PLCXD3: variants seen among roughly 807,000 people sequenced by gnomAD.
The protein encoded by PLCXD3 is PI-PLC X domain-containing protein 3.
PLCXD3 carries 19 observed loss-of-function variants against 25.5 expected under a neutral mutation model. That is an observed-to-expected ratio of 0.75 (90% CI 0.52 to 1.09). PLCXD3 has a LOEUF of 1.09. PLCXD3 is among the 50% of genes least tolerant of loss of function. The probability of loss-of-function intolerance (pLI) is 0.00; values close to 1 mark genes in which losing one functional copy is unlikely to be tolerated. For missense variants in PLCXD3, 411 were observed against 388.1 expected (o/e 1.06, Z -0.50); for synonymous variants, 174 against 137.6 (o/e 1.26, Z -1.85).
At chr5:41,435,404 C>T (rs1747223846) in intron 1 of PLCXD3, among the ~76,000 whole-genome samples, 2 of 152,132 alleles carry the variant, frequency 1.3e-5, no homozygotes, top group Non-Finnish European at 2.9e-5. Context: ...CCCTTGAAAC[C>T]TAAGATTAGT....
At chr5:41,480,185 C>T (rs1189519502) in intron 1 of PLCXD3, among the ~76,000 whole-genome samples, 1 of 151,918 alleles carries the variant, frequency 6.6e-6, no homozygotes, top group East Asian at 1.9e-4. Context: ...AGAAAAATGC[C>T]CTGAAAGCAA....
chr5:41,502,276 A>T (rs1748967565), intron 1 of PLCXD3, among the ~76,000 whole-genome samples: 1 of 152,130 alleles, frequency 6.6e-6, no homozygotes, highest in Non-Finnish European at 1.5e-5. Flanking sequence ...ACTGAGGAAG[A>T]TCTTGTCTGT....
chr5:41,429,391 G>A (rs1307006254), intron 1 of PLCXD3, among the ~76,000 whole-genome samples: 2 of 152,010 alleles, frequency 1.3e-5, no homozygotes, highest in South Asian at 2.1e-4. Flanking sequence ...ATCAGGGGAG[G>A]GAGGGAGAGA....
At chr5:41,480,788 G>C (rs1748391911) in intron 1 of PLCXD3, among the ~76,000 whole-genome samples, 1 of 152,014 alleles carries the variant, frequency 6.6e-6, no homozygotes, top group Admixed American at 6.5e-5. Context: ...AGGTGTGGTG[G>C]CGGGCACCTG....
At chr5:41,338,415 T>G (rs1744043309) in intron 2 of PLCXD3, among the ~76,000 whole-genome samples, 1 of 152,114 alleles carries the variant, frequency 6.6e-6, no homozygotes, top group Non-Finnish European at 1.5e-5. Flanking sequence ...GACCTGAGAA[T>G]AGCCCTGCTA....
At chr5:41,464,403 G>A (rs953995023) in intron 1 of PLCXD3, among the ~76,000 whole-genome samples, 4 of 151,942 alleles carry the variant, frequency 2.6e-5, no homozygotes, top group South Asian at 2.1e-4. Context: ...CACTGAGAAC[G>A]GTAGAATGCA....
At chr5:41,338,792 C>T (rs922500007) in intron 2 of PLCXD3, among the ~76,000 whole-genome samples, 10 of 152,112 alleles carry the variant, frequency 6.6e-5, no homozygotes. Context: ...CCCCCATTTA[C>T]TTTCCTTAGA....
At chr5:41,370,543 G>A (rs115819047) in intron 2 of PLCXD3, among the ~76,000 whole-genome samples, 7 of 152,116 alleles carry the variant, frequency 4.6e-5, no homozygotes, top group Non-Finnish European at 8.8e-5. Flanking sequence ...GGTAGGACAC[G>A]CTTACAGCAA....
intron 2 of PLCXD3, among the ~76,000 whole-genome samples, chr5:41,365,115 A>G (rs1744898203): frequency 6.6e-6 from 1 of 152,080 alleles, no homozygotes; most frequent in Non-Finnish European, 1.5e-5. Flanking sequence ...CCTCCAGGGA[A>G]CTCTCACTTG....
intron 2 of PLCXD3, among the ~76,000 whole-genome samples, chr5:41,375,969 T>C (rs1271806209): frequency 6.6e-6 from 1 of 152,146 alleles, no homozygotes; most frequent in Admixed American, 6.6e-5. Flanking sequence ...TAATAATACC[T>C]AATTTGTAAG....
intron 1 of PLCXD3, among the ~76,000 whole-genome samples, chr5:41,435,487 G>C (rs1747226309): frequency 6.6e-6 from 1 of 152,158 alleles, no homozygotes; most frequent in South Asian, 2.1e-4. Context: ...TGTGGGGTGT[G>C]GGCAGAGGCA....
Position 41,496,398 on chromosome 5 carries a change from C to G in PLCXD3, c.103+14026G>C, listed in dbSNP as rs555027133. On this transcript the variant is annotated intron_variant, in intron 1 of 2. Transcript: ENST00000377801. The stretch of plus-strand genomic sequence containing the variant: ...CTGAGGAACTCAAATAAGTCAATAC[C>G]AAGACAAATTATAATAAAATTGCCA... Among the ~76,000 whole-genome samples the G allele has an allele frequency of 2.9e-3, 444 of 151,420 alleles. 1 individual carries two copies. Among genetic ancestry groups the G allele is most frequent in the Non-Finnish European group, 4.8e-3 (322 of 67,724 alleles).
intron 1 of PLCXD3, among the ~76,000 whole-genome samples, chr5:41,386,491 G>A (rs1469749790): frequency 6.6e-6 from 1 of 152,056 alleles, no homozygotes; most frequent in African/African-American, 2.4e-5. Context: ...CTGGTGACAA[G>A]ACCTATATAA....
intron 1 of PLCXD3, among the ~76,000 whole-genome samples, chr5:41,481,220 T>C (rs1261252711): frequency 1.3e-5 from 2 of 152,066 alleles, no homozygotes; most frequent in African/African-American, 2.4e-5. Flanking sequence ...AGTCTCTCCA[T>C]TTGTATATCT....
At chr5:41,505,078 C>T (rs943331785) in intron 1 of PLCXD3, among the ~76,000 whole-genome samples, 1 of 152,124 alleles carries the variant, frequency 6.6e-6, no homozygotes, top group African/African-American at 2.4e-5. Flanking sequence ...TTTCTGTTCT[C>T]ATTGGGTGGA....
chr5:41,346,473 C>T (rs181814300), intron 2 of PLCXD3, among the ~76,000 whole-genome samples: 54 of 152,268 alleles, frequency 3.5e-4, no homozygotes, highest in African/African-American at 1.2e-3. Context: ...ATGCTCTGTG[C>T]TGTCTACCTG....
At chr5:41,439,415 A>G (rs376880313) in intron 1 of PLCXD3, among the ~76,000 whole-genome samples, 1 of 152,218 alleles carries the variant, frequency 6.6e-6, no homozygotes, top group Non-Finnish European at 1.5e-5. Context: ...GTTCCATCCA[A>G]TGAGATGTAA....
chr5:41,313,970 T>C (rs1743216449), intron 2 of PLCXD3, among the ~76,000 whole-genome samples, 200 bp from the exon 3 acceptor site: 1 of 152,190 alleles, frequency 6.6e-6, no homozygotes. Context: ...TTCACTATAT[T>C]GATCCGTATT....
intron 1 of PLCXD3, among the ~76,000 whole-genome samples, chr5:41,394,322 A>G (rs769948474): frequency 6.6e-6 from 1 of 152,198 alleles, no homozygotes; most frequent in Non-Finnish European, 1.5e-5. Context: ...AATACATAAA[A>G]AGTAAAAAGC....
Sources: allele counts gnomAD v4.1 joint callset (sites outside exome capture counted in the v4.1 genomes callset), GRCh38; gene constraint gnomAD v4.1.1; transcripts MANE v1.5; gene names NCBI Gene and HGNC (gene_info 2026-07-23, HGNC 2026-07-21).